The following TEX22 variants were observed in gnomAD, a reference collection of about 807,000 sequenced individuals.
TEX22 encodes testis-expressed protein 22.
Under a neutral mutation model 11.3 loss-of-function variants are expected in TEX22, and 16 were observed. That is an observed-to-expected ratio of 1.42 (90% CI 0.96 to 2.15). TEX22 has a LOEUF of 2.15. Among genes scored for constraint, TEX22 ranks in the 30% most tolerant of loss-of-function variants. The pLI, the probability that TEX22 is intolerant of heterozygous loss-of-function variation, is 0.00. For missense variants in TEX22, 220 were observed against 208.6 expected, an observed-to-expected ratio of 1.05 and a Z score of -0.34; for synonymous variants, 97 against 92.3, an observed-to-expected ratio of 1.05 and a Z score of -0.29.
chr14:105,411,580 G>T, intron 3 of TEX22, 80 bp from the exon 4 acceptor site: 2 of 1,246,088 alleles, frequency 1.6e-6, no homozygotes, highest in Non-Finnish European at 2.1e-6. Context: ...GTCCCACTGG[G>T]CCCTTTACCC....
chr14:105,403,347 G>A lies in TEX22; in HGVS notation c.150+3857G>A, dbSNP rs1371187502. 3.9e-5 allele frequency among the ~76,000 whole-genome samples: 6 copies of A among 152,152 alleles called. No homozygotes were observed. The East Asian group carries it at 1.2e-3, about 29-fold the overall frequency. On this transcript the variant is annotated intron_variant, in intron 2 of 3. Transcript: ENST00000451127. ...CCTTTTCTATGAGTTTGTCCTTGTA[G>A]GCATTACCAAGCTGCTTCCTTAGCT...
intron 2 of TEX22, among the ~76,000 whole-genome samples, chr14:105,403,511 C>A (rs1419758037): frequency 6.6e-6 from 1 of 152,176 alleles, no homozygotes; most frequent in Non-Finnish European, 1.5e-5. Context: ...CAGCCTGGAC[C>A]TCCTGGACTC....
chr14:105,409,327 C>G (rs891869409), intron 2 of TEX22, among the ~76,000 whole-genome samples: 2 of 152,138 alleles, frequency 1.3e-5, no homozygotes, highest in South Asian at 4.1e-4. Context: ...TTTTGAGACT[C>G]TAAAGATATG....
intron 2 of TEX22, among the ~76,000 whole-genome samples, chr14:105,405,019 G>T (rs587733006): frequency 6.6e-6 from 1 of 152,154 alleles, no homozygotes; most frequent in African/African-American, 2.4e-5. Context: ...GAAGAGGAGG[G>T]GGGTGGGCCA....
intron 2 of TEX22, among the ~76,000 whole-genome samples, chr14:105,402,833 T>A (rs1298347020): frequency 6.6e-6 from 1 of 151,950 alleles, no homozygotes; most frequent in Non-Finnish European, 1.5e-5. Flanking sequence ...CTGAATAGCA[T>A]GTAGAGCTCC....
Position 105,402,620 on chromosome 14 carries a change from G to A in TEX22, c.150+3130G>A, listed in dbSNP as rs183249483. On this transcript the variant is annotated intron_variant, in intron 2 of 3. Coordinates refer to ENST00000451127, the MANE Select transcript of TEX22 (RefSeq NM_001195082.2). ...AATACAAAAAAATTAGCCGGGCGTG[G>A]TGGCGGGCGCCTGTAGTCCCAGCTA... Among the ~76,000 whole-genome samples, 911 of 152,140 alleles carry A rather than the reference G, an allele frequency of 6.0e-3. 33 individuals are homozygous for A. The highest frequency in any genetic ancestry group is 0.048 in the Admixed American group (739 of 15,282).
chr14:105,399,098 C>CT (rs1191064513), intron 1 of TEX22, among the ~76,000 whole-genome samples: 1 of 152,192 alleles, frequency 6.6e-6, no homozygotes, highest in African/African-American at 2.4e-5. Flanking sequence ...GAGGACAGTT[C>CT]GGGAGGCTGG....
chr14:105,404,209 A>G (rs1402920757), intron 2 of TEX22, among the ~76,000 whole-genome samples: 3 of 152,202 alleles, frequency 2.0e-5, no homozygotes, highest in Non-Finnish European at 4.4e-5. Context: ...TGGCGAGTCC[A>G]TGATAGGGGC....
At position 105,402,519 on chromosome 14, in the gene TEX22, C is replaced by CCA. The variant is rs1456397006; in HGVS notation, c.150+3029_150+3030insCA. Among the ~76,000 whole-genome samples, 6 of 152,120 alleles carry CCA rather than the reference C, an allele frequency of 3.9e-5. No individual in the cohort carries two copies. The South Asian group carries it at 6.2e-4, about 16-fold the overall frequency. On this transcript the variant is annotated intron_variant, in intron 2 of 3. Coordinates refer to ENST00000451127, the MANE Select transcript of TEX22 (RefSeq NM_001195082.2). ...CCTGTAATCCCAGCACTTTGGGAGG[C>CCA]TGGGGCGGGCAGATCACAAGGTCTG...
intron 2 of TEX22, among the ~76,000 whole-genome samples, chr14:105,403,687 G>A (rs1279265154): frequency 6.6e-6 from 1 of 152,202 alleles, no homozygotes; most frequent in African/African-American, 2.4e-5. Flanking sequence ...GTCCCAAAGT[G>A]TTAGGATTAT....
rs149683907 is a variant in TEX22, at chr14:105,400,429, C to T, written c.150+939C>T. On this transcript the variant is annotated intron_variant, in intron 2 of 3. Coordinates refer to ENST00000451127, the MANE Select transcript of TEX22 (RefSeq NM_001195082.2). ...GGCGAACATCTCATGACAGGCAATC[C>T]GGACTATAAATACACATAGGTCACC... Among the ~76,000 whole-genome samples, 1,140 of 152,250 alleles carry T rather than the reference C, an allele frequency of 7.5e-3. 20 individuals are homozygous for T. The highest frequency in any genetic ancestry group is 0.025 in the African/African-American group (1,042 of 41,536).
intron 2 of TEX22, among the ~76,000 whole-genome samples, chr14:105,406,575 G>A (rs7149988): frequency 0.88 from 133,655 of 151,876 alleles, 61,365 homozygotes; most frequent in Non-Finnish European, 1. Context: ...CCCGGGTGGC[G>A]TGCCACTGTA....
chr14:105,401,501 A>C (rs1336875322), intron 2 of TEX22, among the ~76,000 whole-genome samples: 2 of 145,510 alleles, frequency 1.4e-5, no homozygotes, highest in Admixed American at 1.5e-4. Context: ...CAGATGCTGC[A>C]TGTTCTCACT....
chr14:105,412,905 G>C lies in TEX22; in HGVS notation c.*1072G>C, dbSNP rs6576089. ...GCTGGCTGTGCTGCCCACCTGGCCT[G>C]TAACCCTCCCCTTCCCGCTGCTGAG... On this transcript the variant is annotated 3_prime_UTR_variant, in exon 4 of 4. Coordinates refer to ENST00000451127, the MANE Select transcript of TEX22 (RefSeq NM_001195082.2). The surrounding 1 kb of genome is among the most constrained non-coding windows in gnomAD (Gnocchi z 5.8). 151,852 of 153,100 alleles carry C rather than the reference G, an allele frequency of 0.99. 75,316 individuals carry two copies. The highest frequency in any genetic ancestry group is 1 in the Middle Eastern group (302 of 302). The allele number at this position is 153,100 out of a possible 1,614,324, so 9.5% of individuals were successfully genotyped here. A position where few individuals can be genotyped will look rare whatever the true frequency, so the allele number is the denominator to read the frequency against.
chr14:105,401,129 T>C (rs1290817930), intron 2 of TEX22, among the ~76,000 whole-genome samples: 1 of 152,220 alleles, frequency 6.6e-6, no homozygotes, highest in Non-Finnish European at 1.5e-5. Context: ...CACTTCCGCC[T>C]GCCAGGAGAG....
rs587708956 is a variant in TEX22, at chr14:105,398,591, G to A, written c.-84G>A. The A allele has an allele frequency of 2.0e-5, 3 of 152,406 alleles. No individual in the cohort carries two copies. The East Asian group carries it at 5.8e-4, about 30-fold the overall frequency. 9.4% of individuals were successfully genotyped at this position (152,406 alleles called of 1,614,324 possible). The stretch of plus-strand genomic sequence containing the variant: ...CCGGCCCCTTGGGCCCCCTCAAGCC[G>A]CGGTGTACTCCAGCGGCCCCCTGTG... On this transcript the variant is annotated 5_prime_UTR_variant, in exon 1 of 4. Transcript: ENST00000451127.
chr14:105,399,273 G>A (rs1164061027), intron 1 of TEX22, 29 bp from the exon 2 acceptor site: 5 of 477,836 alleles, frequency 1.0e-5, no homozygotes, highest in Non-Finnish European at 1.8e-5. Flanking sequence ...TGTGGGCCCC[G>A]CCCCACCTCC....
chr14:105,401,395 C>T lies in TEX22; in HGVS notation c.150+1905C>T, dbSNP rs587680382. Among the ~76,000 whole-genome samples, 8 of 151,924 alleles carry T rather than the reference C, an allele frequency of 5.3e-5. No homozygotes were observed. In the South Asian group the frequency reaches 6.3e-4, roughly 12 times the overall value. Reference sequence around the variant, plus strand: ...ATCTTTCCTTAAGAACAAAAGAAGTCGCAGCCATAAAAAAGGATGAGTTCA... The same window carrying T: ...ATCTTTCCTTAAGAACAAAAGAAGTTGCAGCCATAAAAAAGGATGAGTTCA... On this transcript the variant is annotated intron_variant, in intron 2 of 3. Transcript: ENST00000451127.
At chr14:105,407,811 T>C (rs587662532) in intron 2 of TEX22, among the ~76,000 whole-genome samples, 2 of 152,030 alleles carry the variant, frequency 1.3e-5, no homozygotes, top group Admixed American at 1.3e-4. Context: ...TTGTGTCACT[T>C]TGTAGTTGCA....
Sources: allele counts gnomAD v4.1 joint callset (sites outside exome capture counted in the v4.1 genomes callset), GRCh38; gene constraint gnomAD v4.1.1; non-coding constraint Gnocchi (gnomAD v3.1); transcripts MANE v1.5; gene names NCBI Gene and HGNC (gene_info 2026-07-23, HGNC 2026-07-21).